LAMA1: variants seen among roughly 807,000 people sequenced by gnomAD.
LAMA1 encodes the protein laminin subunit alpha-1.
A neutral mutation model predicts 348.7 loss-of-function variants in LAMA1; 219 were observed. The ratio of observed to expected loss-of-function variants is 0.63; its 90% CI spans 0.56 to 0.70. The LOEUF is 0.70. LAMA1 is among the 30% of genes least tolerant of loss of function. The pLI is 0.00. For missense variants in LAMA1, 3,744 were observed against 3,888.0 expected (o/e 0.96, Z 0.99); for synonymous variants, 1,487 against 1,491.0 (o/e 1.00, Z 0.06).
chr18:7,030,412 A>G (rs2057963394), intron 16 of LAMA1, among the ~76,000 whole-genome samples: 1 of 152,170 alleles, frequency 6.6e-6, no homozygotes, highest in Non-Finnish European at 1.5e-5. Context: ...AAAGTCACTG[A>G]ATGGTGTGGG....
In LAMA1 at chr18:6,958,627, A is replaced by C. The variant is rs1188478910; in HGVS notation, c.7814T>G (p.Val2605Gly). ...ITVQLDENNP[V>G]EMKLGTLVES... ...TACTAATGTGCCCAACTTCATTTCC[A>C]CAGGATTGTTCTCATCCAATTGGAC... Residue 2605 changes from valine to glycine, a missense_variant, in exon 55 of 63, where the codon GTG (valine) becomes GGG (glycine). Val to Gly is a moderately radical substitution (Grantham distance 109). Coordinates refer to ENST00000389658, the MANE Select transcript of LAMA1 (RefSeq NM_005559.4). 2 of 1,614,188 alleles carry C rather than the reference A, an allele frequency of 1.2e-6. No homozygotes were observed. Among genetic ancestry groups the C allele is most frequent in the Non-Finnish European group, 1.7e-6 (2 of 1,180,002 alleles).
intron 5 of LAMA1, among the ~76,000 whole-genome samples, chr18:7,047,119 T>C (rs1424633569): frequency 6.6e-6 from 1 of 151,180 alleles, no homozygotes; most frequent in East Asian, 2.0e-4. Flanking sequence ...ATCTCAGCTC[T>C]CTGCAACCTC....
chr18:7,005,547 G>A (rs1484325652), intron 29 of LAMA1, among the ~76,000 whole-genome samples: 4 of 152,172 alleles, frequency 2.6e-5, no homozygotes, highest in African/African-American at 7.2e-5. Context: ...TCAGGAGTTC[G>A]AAACCAGCCT....
At chr18:7,051,148 A>G (rs888544404) in intron 3 of LAMA1, among the ~76,000 whole-genome samples, 7 of 152,172 alleles carry the variant, frequency 4.6e-5, no homozygotes, top group African/African-American at 1.7e-4. Context: ...AAGATGAATA[A>G]GTTCTGGAGA....
chr18:7,058,113 T>G (rs2058089812), intron 3 of LAMA1, among the ~76,000 whole-genome samples: 1 of 152,064 alleles, frequency 6.6e-6, no homozygotes, highest in Non-Finnish European at 1.5e-5. Context: ...AGCCCATAAT[T>G]ATTTCAATAC....
At chr18:7,067,216 A>T (rs897796465) in intron 3 of LAMA1, among the ~76,000 whole-genome samples, 1 of 152,208 alleles carries the variant, frequency 6.6e-6, no homozygotes, top group Non-Finnish European at 1.5e-5. Flanking sequence ...AGAGCCCAGG[A>T]TTGCTTTGCT....
At position 6,982,496 on chromosome 18, in the gene LAMA1, C is replaced by T. The variant is rs948324586; in HGVS notation, c.5890+1G>A. 2 of 1,614,014 alleles carry T rather than the reference C, an allele frequency of 1.2e-6. No homozygotes were observed. The highest frequency in any genetic ancestry group is 1.3e-5 in the African/African-American group (1 of 75,052). ...CTACACCGTCCGAGCCACATACTGACCTGGAAGCTTCCTGCTGAGGTTGTT... is the reference window on the plus strand; with the variant it reads ...CTACACCGTCCGAGCCACATACTGATCTGGAAGCTTCCTGCTGAGGTTGTT... On this transcript the variant is annotated splice_donor_variant, in intron 41 of 62. Coordinates refer to ENST00000389658, the MANE Select transcript of LAMA1 (RefSeq NM_005559.4). LOFTEE classifies it high-confidence loss of function.
At chr18:7,007,947 T>TTATTTA (rs1555651821) in intron 28 of LAMA1, among the ~76,000 whole-genome samples, 1 of 151,606 alleles carries the variant, frequency 6.6e-6, no homozygotes, top group African/African-American at 2.4e-5. Flanking sequence ...ATTTATTTAT[T>TTATTTA]TTTGAGACGG....
chr18:6,950,097 T>G (rs2057539946), intron 58 of LAMA1, among the ~76,000 whole-genome samples: 1 of 152,172 alleles, frequency 6.6e-6, no homozygotes, highest in Non-Finnish European at 1.5e-5. Flanking sequence ...ATGAACCAAA[T>G]GGCACCACCC....
In LAMA1 at chr18:7,023,208, G is replaced by A. The variant is rs144738522; in HGVS notation, c.2657C>T (p.Ala886Val). Residue 886 changes from alanine (A) to valine (V), a missense_variant, in exon 19 of 63, where the codon GCT becomes GTT. Transcript: ENST00000389658. ...NTDGAHCERCADGFYGDAVTA... is the reference protein window; with the variant it reads ...NTDGAHCERCVDGFYGDAVTA... ...CACAGCGTCCCCATAGAACCCGTCA[G>A]CACACCTTTCACAGTGGGCGCCATC... 4,915 of 1,613,534 alleles carry A rather than the reference G, an allele frequency of 3.0e-3. 11 individuals are homozygous for A. The highest frequency in any genetic ancestry group is 3.7e-3 in the Non-Finnish European group (4,345 of 1,179,964).
At chr18:7,011,963 G>A in intron 24 of LAMA1, 32 bp downstream of exon 24, 1 of 1,580,624 alleles carries the variant, frequency 6.3e-7, no homozygotes, top group Non-Finnish European at 8.6e-7. Flanking sequence ...AGTGGGGTTA[G>A]AAGCAGAACA....
chr18:7,107,386 G>A (rs1404235201), intron 1 of LAMA1, among the ~76,000 whole-genome samples: 1 of 152,042 alleles, frequency 6.6e-6, no homozygotes, highest in Admixed American at 6.5e-5. Context: ...CCAAAGTGCT[G>A]AGATTACAGG....
At chr18:7,096,101 G>A (rs1380475270) in intron 1 of LAMA1, among the ~76,000 whole-genome samples, 1 of 152,210 alleles carries the variant, frequency 6.6e-6, no homozygotes, top group Admixed American at 6.5e-5. Context: ...ATAGACTGTG[G>A]TATGGTATAT....
chr18:7,112,213 C>T lies in LAMA1; in HGVS notation c.61+5447G>A, dbSNP rs112850363. On this transcript the variant is annotated intron_variant, in intron 1 of 62. Transcript: ENST00000389658. Reference sequence around the variant, plus strand: ...GAAACACTGCTCTAACAATACCTTTCTGTCAAAGCCCTACTTGGAAGGACA... The same window carrying T: ...GAAACACTGCTCTAACAATACCTTTTTGTCAAAGCCCTACTTGGAAGGACA... Among the ~76,000 whole-genome samples, 308 of 152,296 alleles carry T rather than the reference C, an allele frequency of 2.0e-3. 4 individuals carry two copies. Among genetic ancestry groups the T allele is most frequent in the African/African-American group, 7.1e-3 (295 of 41,570 alleles).
chr18:7,033,330 C>T (rs562653739), intron 14 of LAMA1, among the ~76,000 whole-genome samples: 28 of 152,018 alleles, frequency 1.8e-4, no homozygotes, highest in African/African-American at 6.3e-4. Context: ...GTGGCATGTG[C>T]CTGTAGTCCC....
chr18:7,073,504 A>G (rs2058154391), intron 3 of LAMA1, among the ~76,000 whole-genome samples: 1 of 152,166 alleles, frequency 6.6e-6, no homozygotes, highest in African/African-American at 2.4e-5. Flanking sequence ...ATTGATTCAT[A>G]TAATATTTCT....
rs142127898 is a variant in LAMA1 at position 7,050,770 on chromosome 18, G to A, written c.512C>T (p.Pro171Leu). ...SRYNITPRRG[P>L]PTYRADDEVI... ...TTCATCATCAGCCCTGTAGGTGGGTGGCCCTCGTCTTGGAGTTATATTGTA... is the reference window on the plus strand; with the variant it reads ...TTCATCATCAGCCCTGTAGGTGGGTAGCCCTCGTCTTGGAGTTATATTGTA... The change falls in exon 4 of 63, where the codon CCA becomes CTA. Residue 171 changes from proline (P) to leucine (L), a missense_variant. Transcript: ENST00000389658. The A allele has an allele frequency of 1.1e-5, 17 of 1,614,018 alleles. No individual in the cohort carries two copies. The African/African-American group carries it at 2.1e-4, about 20-fold the overall frequency.
At chr18:7,070,914 A>AG (rs1203130666) in intron 3 of LAMA1, among the ~76,000 whole-genome samples, 1 of 151,942 alleles carries the variant, frequency 6.6e-6, no homozygotes, top group African/African-American at 2.4e-5. Flanking sequence ...CAAAAAAAAA[A>AG]AAAAAAACAC....
At chr18:7,097,088 A>AT (rs2058264385) in intron 1 of LAMA1, among the ~76,000 whole-genome samples, 1 of 152,130 alleles carries the variant, frequency 6.6e-6, no homozygotes, top group Non-Finnish European at 1.5e-5. Context: ...TAGAAAATGA[A>AT]TGGGGAAAGC....
Sources: gnomAD v4.1 joint callset for allele counts (sites outside exome capture counted in the v4.1 genomes callset) on GRCh38, gnomAD v4.1.1 for gene constraint, MANE v1.5 for transcripts, NCBI Gene and HGNC (gene_info 2026-07-23, HGNC 2026-07-21) for gene names.